SEC14L3: variants seen among roughly 807,000 people sequenced by gnomAD.
SEC14L3 encodes the protein SEC14-like protein 3.
Under a neutral mutation model 57.4 loss-of-function variants are expected in SEC14L3, and 56 were observed. The ratio of observed to expected loss-of-function variants is 0.97; its 90% CI spans 0.79 to 1.22. The LOEUF (loss-of-function observed/expected upper bound fraction) is 1.22. Ranked by LOEUF, SEC14L3 falls within the 50% of genes most tolerant of loss-of-function variation. The probability of loss-of-function intolerance (pLI) is 0.00; values close to 1 mark genes in which losing one functional copy is unlikely to be tolerated. For synonymous variants in SEC14L3, 173 were observed against 194.4 expected (o/e 0.89, Z 0.92); for missense variants, 485 against 511.7 (o/e 0.95, Z 0.50).
intron 2 of SEC14L3, 97 bp downstream of exon 2, chr22:30,470,410 T>G: frequency 6.2e-7 from 1 of 1,603,246 alleles, no homozygotes; most frequent in Non-Finnish European, 8.5e-7. Context: ...CAAGATTGTG[T>G]GGATGGACCC....
At chr22:30,468,845 A>G in intron 4 of SEC14L3, 149 bp from the exon 5 acceptor site, 4 of 1,559,484 alleles carry the variant, frequency 2.6e-6, no homozygotes, top group Non-Finnish European at 2.6e-6. Flanking sequence ...CTCAGGTGAG[A>G]AAGCTGAGGT....
At position 30,464,792 on chromosome 22, in the gene SEC14L3, G is replaced by T. The variant is rs200512875; in HGVS notation, c.664+28C>A. 3 of 1,610,120 alleles carry T rather than the reference G, an allele frequency of 1.9e-6. No homozygotes were observed. The African/African-American group carries it at 4.0e-5, about 22-fold the overall frequency. ...CTCACTCCAAAGGTCATGTATAGAG[G>T]TCAGGAAATTGAGCTGGCACTACTT... On this transcript the variant is annotated intron_variant, in intron 8 of 11. Coordinates refer to ENST00000215812, the MANE Select transcript of SEC14L3 (RefSeq NM_174975.5).
chr22:30,463,711 G>C (rs1935335792), intron 8 of SEC14L3, among the ~76,000 whole-genome samples: 1 of 152,150 alleles, frequency 6.6e-6, no homozygotes, highest in Non-Finnish European at 1.5e-5. Context: ...CTTGGGAGAA[G>C]TTTTCCTCCA....
downstream of SEC14L3, among the ~76,000 whole-genome samples, chr22:30,454,842 TATAATATATTATATTATTATATAATAC>T (rs1935068530): frequency 1.6e-5 from 1 of 61,362 alleles, no homozygotes; most frequent in Non-Finnish European, 2.5e-5. Flanking sequence ...TATAATAATA[TATAATATATTATATTATTATATAATAC>T]ATAATATATT....
chr22:30,457,872 C>T (rs905112476), downstream of SEC14L3, among the ~76,000 whole-genome samples: 1 of 152,118 alleles, frequency 6.6e-6, no homozygotes, highest in African/African-American at 2.4e-5. Flanking sequence ...TAAGGGGCAG[C>T]CTTAGCTCCA....
intron 11 of SEC14L3, among the ~76,000 whole-genome samples, chr22:30,460,854 G>T (rs1481954757): frequency 1.5e-5 from 2 of 133,088 alleles, no homozygotes; most frequent in African/African-American, 5.7e-5. Context: ...AAAAAAAAGA[G>T]AAAAAACAGG....
At chr22:30,462,004 A>G in intron 9 of SEC14L3, 82 bp downstream of exon 9, 1 of 1,389,522 alleles carries the variant, frequency 7.2e-7, no homozygotes, top group Admixed American at 1.9e-5. Flanking sequence ...CTCTATAGGT[A>G]ATTGTGGATG....
chr22:30,468,421 T>TATCATTAAAAA, intron 5 of SEC14L3, 87 bp downstream of exon 5: 2 of 966,750 alleles, frequency 2.1e-6, no homozygotes, highest in Non-Finnish European at 3.2e-6. Context: ...ACTGTGGTTG[T>TATCATTAAAAA]AGAGAACACA....
chr22:30,450,101 G>A (rs1369057293), intron 12 of SEC14L3, among the ~76,000 whole-genome samples: 4 of 152,020 alleles, frequency 2.6e-5, no homozygotes, highest in African/African-American at 9.7e-5. Flanking sequence ...TCAGCCACAC[G>A]CTTGCTTTTC....
At chr22:30,449,277 A>G in intron 12 of SEC14L3, 1 of 1,546,908 alleles carries the variant, frequency 6.5e-7, no homozygotes, top group Non-Finnish European at 8.7e-7. Context: ...AGAAAACAAA[A>G]CAAACAAAAA....
intron 12 of SEC14L3, among the ~76,000 whole-genome samples, chr22:30,452,091 C>A (rs530082444): frequency 3.5e-4 from 53 of 151,206 alleles, no homozygotes; most frequent in African/African-American, 1.3e-3. Context: ...CCAAGATGGC[C>A]AACCAGAATC....
chr22:30,454,791 TA>T (rs1935065008), downstream of SEC14L3, among the ~76,000 whole-genome samples: 1 of 72,412 alleles, frequency 1.4e-5, no homozygotes, highest in South Asian at 4.6e-4. Context: ...ATATATTATA[TA>T]TTATTGTATA....
rs774032801 is a variant in SEC14L3, at chr22:30,459,571, C to T, written c.*450G>A. 1.2e-4 allele frequency: 116 copies of T among 988,390 alleles called. No homozygotes were observed. The highest frequency in any genetic ancestry group is 1.3e-4 in the Non-Finnish European group (109 of 831,548). The allele number at this position is 988,390 out of a possible 1,614,324, so 61.2% of individuals were successfully genotyped here. On this transcript the variant is annotated 3_prime_UTR_variant, in exon 12 of 12. Coordinates refer to ENST00000215812, the MANE Select transcript of SEC14L3 (RefSeq NM_174975.5). The stretch of plus-strand genomic sequence containing the variant: ...GTACAGCTGTTGAGTCACCTGCACC[C>T]TACCTTCTGGTCCTCCATTCAATGC...
intron 8 of SEC14L3, among the ~76,000 whole-genome samples, chr22:30,463,890 C>T (rs569608990): frequency 6.6e-6 from 1 of 152,242 alleles, no homozygotes; most frequent in South Asian, 2.1e-4. Context: ...CACACGATCT[C>T]TCACTATCAA....
intron 4 of SEC14L3, chr22:30,469,019 G>C: frequency 1.5e-6 from 2 of 1,336,786 alleles, no homozygotes; most frequent in Non-Finnish European, 9.7e-7. Context: ...AACAGAGCTG[G>C]TTCAAAAACA....
chr22:30,461,483 T>C lies in SEC14L3; in HGVS notation c.912-4A>G. 6.2e-7 allele frequency: 1 copy of C among 1,613,080 alleles called. No homozygotes were observed. The highest frequency in any genetic ancestry group is 1.1e-5 in the South Asian group (1 of 91,012). Reference sequence around the variant, plus strand: ...ACCATCAGATGAGAACTGCCACCTGTCAGGGGGAGGGGGAGGAGACAGGTT... The same window carrying C: ...ACCATCAGATGAGAACTGCCACCTGCCAGGGGGAGGGGGAGGAGACAGGTT... On this transcript the variant is annotated splice_region_variant and splice_polypyrimidine_tract_variant and intron_variant, in intron 10 of 11. Transcript: ENST00000215812.
intron 8 of SEC14L3, 199 bp from the exon 9 acceptor site, chr22:30,462,391 C>T: frequency 5.3e-6 from 2 of 376,400 alleles, no homozygotes; most frequent in Non-Finnish European, 7.3e-6. Context: ...GTGTTTCCCG[C>T]CTTGATAGAT....
intron 12 of SEC14L3, among the ~76,000 whole-genome samples, chr22:30,451,333 C>G (rs972456264): frequency 6.6e-6 from 1 of 152,218 alleles, no homozygotes; most frequent in East Asian, 1.9e-4. Flanking sequence ...GGGATGGACA[C>G]TGACCTTAAG....
intron 12 of SEC14L3, among the ~76,000 whole-genome samples, chr22:30,449,856 C>T (rs562956747): frequency 6.6e-5 from 10 of 152,234 alleles, no homozygotes; most frequent in Non-Finnish European, 1.0e-4. Flanking sequence ...TGAGCCACCA[C>T]GCCTGGCCCC....
Sources: gnomAD v4.1 joint callset for allele counts (sites outside exome capture counted in the v4.1 genomes callset) on GRCh38, gnomAD v4.1.1 for gene constraint, MANE v1.5 for transcripts, NCBI Gene and HGNC (gene_info 2026-07-23, HGNC 2026-07-21) for gene names.